Variants in CSMD1 observed in about 807,000 individuals in gnomAD.
The protein encoded by CSMD1 is CUB and Sushi multiple domains 1.
Under a neutral mutation model 417.5 loss-of-function variants are expected in CSMD1, and 213 were observed. The ratio of observed to expected loss-of-function variants is 0.51; its 90% CI spans 0.46 to 0.57. CSMD1 has a LOEUF of 0.57. Among genes scored for constraint, CSMD1 ranks in the 20% least tolerant of loss-of-function variants. The pLI, the probability that CSMD1 is intolerant of heterozygous loss-of-function variation, is 0.00. For synonymous variants in CSMD1, 2,862 were observed against 1,736.8 expected (o/e 1.65, Z -16.11); for missense variants, 6,923 against 4,529.7 (o/e 1.53, Z -15.17).
At chr8:3,702,042 A>T (rs1563288349) in intron 7 of CSMD1, 2 of 152,128 alleles carry the variant, frequency 1.3e-5, no homozygotes, top group South Asian at 2.1e-4. Context: ...CAAGGAAGTG[A>T]ACGTTTATGG....
chr8:3,809,073 C>G (rs1391084984), intron 5 of CSMD1, among the ~76,000 whole-genome samples: 1 of 152,152 alleles, frequency 6.6e-6, no homozygotes, highest in Non-Finnish European at 1.5e-5. Context: ...GGGAATCACG[C>G]AGCTTCTATC....
At chr8:4,117,665 T>A (rs905768954) in intron 3 of CSMD1, among the ~76,000 whole-genome samples, 4 of 152,140 alleles carry the variant, frequency 2.6e-5, no homozygotes, top group African/African-American at 9.7e-5. Context: ...GGGTGCCAAA[T>A]AGACAGACTG....
chr8:4,846,550 G>T (rs181574926), intron 1 of CSMD1, among the ~76,000 whole-genome samples: 1 of 152,314 alleles, frequency 6.6e-6, no homozygotes, highest in Non-Finnish European at 1.5e-5. Flanking sequence ...GCTCCTGTAA[G>T]ATTCTGCTTT....
chr8:3,684,957 G>T (rs1799872626), intron 7 of CSMD1, among the ~76,000 whole-genome samples: 1 of 152,108 alleles, frequency 6.6e-6, no homozygotes, highest in African/African-American at 2.4e-5. Context: ...ACTGCCTTTG[G>T]AATAACCTGT....
chr8:4,851,961 G>C (rs999567377), intron 1 of CSMD1, among the ~76,000 whole-genome samples: 19 of 152,092 alleles, frequency 1.2e-4, no homozygotes, highest in Non-Finnish European at 2.8e-4. Context: ...TAAACCACTA[G>C]TCTAAGTTTT....
In CSMD1 at chr8:4,915,805, G is replaced by C. The variant is rs79253071; in HGVS notation, c.85+78527C>G. ...GAGACACTTGATGCATAGAATACTT[G>C]GCATCTTGGCCACACGGAGACCCAT... On this transcript the variant is annotated intron_variant, in intron 1 of 69. Coordinates refer to ENST00000635120, the MANE Select transcript of CSMD1 (RefSeq NM_033225.6). 5.2e-3 allele frequency among the ~76,000 whole-genome samples: 787 copies of C among 152,308 alleles called. 3 individuals are homozygous for C. The highest frequency in any genetic ancestry group is 8.5e-3 in the Non-Finnish European group (581 of 68,036).
At chr8:3,853,297 G>C (rs563592858) in intron 5 of CSMD1, among the ~76,000 whole-genome samples, 9 of 152,132 alleles carry the variant, frequency 5.9e-5, no homozygotes, top group South Asian at 2.1e-4. Flanking sequence ...TTCATACCCT[G>C]ATCAATTTTT....
chr8:4,329,362 C>G (rs1238943292), intron 3 of CSMD1, among the ~76,000 whole-genome samples: 1 of 152,128 alleles, frequency 6.6e-6, no homozygotes, highest in East Asian at 1.9e-4. Context: ...ATTCTCAGCT[C>G]ACTTTAACCT....
chr8:4,051,265 T>C (rs1173887548), intron 3 of CSMD1, among the ~76,000 whole-genome samples: 1 of 150,268 alleles, frequency 6.7e-6, no homozygotes, highest in Non-Finnish European at 1.5e-5. Context: ...TCTTCAACAG[T>C]TTTACAAAGC....
chr8:4,661,329 A>T (rs919369419), intron 1 of CSMD1, among the ~76,000 whole-genome samples: 1 of 152,228 alleles, frequency 6.6e-6, no homozygotes, highest in Admixed American at 6.5e-5. Context: ...GCTGACTGAT[A>T]CATGCCATAT....
intron 1 of CSMD1, among the ~76,000 whole-genome samples, chr8:4,738,687 T>G (rs1419460832): frequency 6.6e-6 from 1 of 152,184 alleles, no homozygotes; most frequent in Non-Finnish European, 1.5e-5. Flanking sequence ...AAAATCAGTA[T>G]ATTATATAAA....
At chr8:4,555,473 G>A (rs1467888455) in intron 2 of CSMD1, among the ~76,000 whole-genome samples, 3 of 152,134 alleles carry the variant, frequency 2.0e-5, no homozygotes, top group African/African-American at 7.2e-5. Flanking sequence ...GGGCGATTCT[G>A]AAACAGGTGA....
rs570880578 is a variant in CSMD1, at chr8:3,659,945, T to C, written c.1010-43148A>G. Among the ~76,000 whole-genome samples, 6 of 152,302 alleles carry C rather than the reference T, an allele frequency of 3.9e-5. No homozygotes were observed. In the East Asian group the frequency reaches 7.7e-4, roughly 20 times the overall value. ...ATCTTCATTGTGTAATCTAAAAGAA[T>C]TGCAATAATTTCAAACTTTTAAGAA... On this transcript the variant is annotated intron_variant, in intron 7 of 69. Transcript: ENST00000635120.
In CSMD1 at chr8:2,991,550, A is replaced by C. The variant is rs531473843; in HGVS notation, c.8377+6461T>G. Among the ~76,000 whole-genome samples, 29 of 152,358 alleles carry C rather than the reference A, an allele frequency of 1.9e-4. No individual in the cohort carries two copies. In the South Asian group the frequency reaches 5.6e-3, roughly 29 times the overall value. On this transcript the variant is annotated intron_variant, in intron 54 of 69. Coordinates refer to ENST00000635120, the MANE Select transcript of CSMD1 (RefSeq NM_033225.6). ...TCTTTAAAAAACAACCTGGAATTTG[A>C]ATTTTTTTAACAACAGACGTGGTTC...
intron 41 of CSMD1, chr8:3,128,564 G>C (rs925609427): frequency 3.6e-6 from 1 of 277,164 alleles, no homozygotes; most frequent in African/African-American, 2.2e-5. Flanking sequence ...GTAGAACCTA[G>C]GAATGTTTAT....
chr8:2,978,381 G>A (rs1275883697), intron 55 of CSMD1, among the ~76,000 whole-genome samples: 1 of 152,072 alleles, frequency 6.6e-6, no homozygotes, highest in Non-Finnish European at 1.5e-5. Context: ...CAATAACCTG[G>A]GTCATTTCTC....
intron 30 of CSMD1, among the ~76,000 whole-genome samples, chr8:3,207,748 C>A (rs1797384929): frequency 6.6e-6 from 1 of 152,198 alleles, no homozygotes; most frequent in African/African-American, 2.4e-5. Context: ...GAAATTTAAG[C>A]AGAGATTTTA....
intron 5 of CSMD1, among the ~76,000 whole-genome samples, chr8:3,772,500 TATATAC>T (rs1798653228): frequency 3.6e-5 from 1 of 27,724 alleles, no homozygotes; most frequent in Non-Finnish European, 8.2e-5. Context: ...CATATATACA[TATATAC>T]ACATATATAC....
intron 49 of CSMD1, among the ~76,000 whole-genome samples, chr8:3,056,773 C>T (rs1812258357): frequency 6.6e-6 from 1 of 150,898 alleles, no homozygotes; most frequent in East Asian, 1.9e-4. Context: ...AATATGTATA[C>T]ACATATGAAT....
Sources: gnomAD v4.1 joint callset for allele counts (sites outside exome capture counted in the v4.1 genomes callset) on GRCh38, gnomAD v4.1.1 for gene constraint, MANE v1.5 for transcripts, NCBI Gene and HGNC (gene_info 2026-07-23, HGNC 2026-07-21) for gene names.